The following ELMO1 variants were observed in gnomAD, a reference collection of about 807,000 sequenced individuals.
ELMO1 encodes engulfment and cell motility protein 1.
Under a neutral mutation model 98.9 loss-of-function variants are expected in ELMO1, and 26 were observed. The ratio of observed to expected loss-of-function variants is 0.26; its 90% CI spans 0.19 to 0.36. ELMO1 has a LOEUF of 0.36. Among genes scored for constraint, ELMO1 ranks in the 10% least tolerant of loss-of-function variants. The probability of loss-of-function intolerance (pLI) is 1.00; values close to 1 mark genes in which losing one functional copy is unlikely to be tolerated. For synonymous variants in ELMO1, 346 were observed against 346.0 expected (o/e 1.00, Z 0.00); for missense variants, 627 against 935.2 (o/e 0.67, Z 4.30).
At chr7:37,130,782 T>A (rs1012400975) in intron 14 of ELMO1, among the ~76,000 whole-genome samples, 1 of 150,804 alleles carries the variant, frequency 6.6e-6, no homozygotes, top group Non-Finnish European at 1.5e-5. Context: ...TGTGTTACAA[T>A]TTTTTTTTAA....
At chr7:37,132,309 A>G (rs1365345885) in intron 14 of ELMO1, among the ~76,000 whole-genome samples, 1 of 152,172 alleles carries the variant, frequency 6.6e-6, no homozygotes, top group Non-Finnish European at 1.5e-5. Flanking sequence ...TTGTTCATCA[A>G]ATACTTTCTA....
intron 1 of ELMO1, among the ~76,000 whole-genome samples, chr7:37,345,681 T>C: frequency 6.6e-6 from 1 of 151,618 alleles, no homozygotes; most frequent in East Asian, 1.9e-4. Flanking sequence ...CACACCAGCG[T>C]GGGCAACAGA....
intron 13 of ELMO1, among the ~76,000 whole-genome samples, chr7:37,166,627 T>C (rs1402834573): frequency 6.6e-6 from 1 of 152,212 alleles, no homozygotes; most frequent in Non-Finnish European, 1.5e-5. Context: ...GGTTGTTCAG[T>C]TTCCATGTAG....
chr7:36,859,277 C>G (rs748706165), intron 21 of ELMO1, among the ~76,000 whole-genome samples: 4 of 152,106 alleles, frequency 2.6e-5, no homozygotes, highest in Admixed American at 2.6e-4. Flanking sequence ...TAAATAAATA[C>G]CACATTATTA....
At position 36,950,021 on chromosome 7, in the gene ELMO1, C is replaced by T. The variant is rs1324517102; in HGVS notation, c.1438-55004G>A. 4.6e-5 allele frequency among the ~76,000 whole-genome samples: 7 copies of T among 152,182 alleles called. No homozygotes were observed. The East Asian group carries it at 1.3e-3, about 29-fold the overall frequency. On this transcript the variant is annotated intron_variant, in intron 16 of 21. Coordinates refer to ENST00000310758, the MANE Select transcript of ELMO1 (RefSeq NM_014800.11). ...GGTTGGAGTTCCCTCGTGCTGTGTT[C>T]GCCCCATGCTCCTATACATCTCATT...
At position 37,211,299 on chromosome 7, in the gene ELMO1, C is replaced by A. The variant is rs755164860; in HGVS notation, c.1086+87G>T. 10 of 1,588,082 alleles carry A rather than the reference C, an allele frequency of 6.3e-6. No individual in the cohort carries two copies. The Middle Eastern group carries it at 5.2e-4, about 82-fold the overall frequency. ...TATTCCGTAAAGCGCAAGAGGACCACACGCTCGGAAGAGACATCAGTTATG... is the reference window on the plus strand; with the variant it reads ...TATTCCGTAAAGCGCAAGAGGACCAAACGCTCGGAAGAGACATCAGTTATG... On this transcript the variant is annotated intron_variant, in intron 13 of 21. Coordinates refer to ENST00000310758, the MANE Select transcript of ELMO1 (RefSeq NM_014800.11).
At chr7:36,859,203 A>G (rs1370723786) in intron 21 of ELMO1, among the ~76,000 whole-genome samples, 1 of 152,214 alleles carries the variant, frequency 6.6e-6, no homozygotes, top group Non-Finnish European at 1.5e-5. Flanking sequence ...TGAACAAAGT[A>G]TGAAAGAAAA....
At chr7:37,172,814 C>T (rs1026437776) in intron 13 of ELMO1, among the ~76,000 whole-genome samples, 20 of 152,224 alleles carry the variant, frequency 1.3e-4, no homozygotes, top group African/African-American at 4.6e-4. Flanking sequence ...GTTCCATGTA[C>T]GGGTATAAGT....
chr7:37,289,131 G>A (rs1284415905), intron 4 of ELMO1, among the ~76,000 whole-genome samples: 1 of 152,180 alleles, frequency 6.6e-6, no homozygotes, highest in Non-Finnish European at 1.5e-5. Flanking sequence ...TATATCAAAT[G>A]TGTTCATCAA....
chr7:36,953,840 TG>T (rs1361948560), intron 16 of ELMO1, among the ~76,000 whole-genome samples: 55 of 1,226 alleles, frequency 0.045, no homozygotes, highest in Middle Eastern at 0.5. Flanking sequence ...GGGTATGTTT[TG>T]TGTGTGTGTG....
intron 12 of ELMO1, 113 bp from the exon 13 acceptor site, chr7:37,211,630 C>A (rs1792980250): frequency 7.3e-7 from 1 of 1,372,422 alleles, no homozygotes; most frequent in Non-Finnish European, 9.7e-7. Context: ...TGCATTCAGG[C>A]AAAAGAAAAA....
chr7:37,017,245 CT>C (rs1242664866), intron 15 of ELMO1, among the ~76,000 whole-genome samples: 1 of 152,122 alleles, frequency 6.6e-6, no homozygotes, highest in Non-Finnish European at 1.5e-5. Context: ...TGAACCAACC[CT>C]TTTTTCTTCC....
At chr7:37,168,056 C>T (rs1789851604) in intron 13 of ELMO1, among the ~76,000 whole-genome samples, 1 of 150,888 alleles carries the variant, frequency 6.6e-6, no homozygotes, top group Non-Finnish European at 1.5e-5. Flanking sequence ...TCTTTTTTCT[C>T]TAAACTTCCC....
At chr7:37,015,016 C>T (rs1289069878) in intron 15 of ELMO1, among the ~76,000 whole-genome samples, 5 of 152,130 alleles carry the variant, frequency 3.3e-5, no homozygotes, top group Admixed American at 3.3e-4. Flanking sequence ...CCTCTTCTCT[C>T]CTCAACCTTC....
At chr7:37,409,982 GA>G (rs1301686169) in intron 1 of ELMO1, among the ~76,000 whole-genome samples, 8 of 152,164 alleles carry the variant, frequency 5.3e-5, no homozygotes, top group African/African-American at 1.9e-4. Context: ...ACTGAATCTT[GA>G]AAAGGTAATT....
At chr7:37,184,858 C>G (rs1791101898) in intron 13 of ELMO1, among the ~76,000 whole-genome samples, 1 of 151,852 alleles carries the variant, frequency 6.6e-6, no homozygotes, top group Non-Finnish European at 1.5e-5. Flanking sequence ...ATGATCATGC[C>G]ACTGCACGCC....
chr7:37,391,365 C>T (rs1229568889), intron 1 of ELMO1, among the ~76,000 whole-genome samples: 1 of 152,162 alleles, frequency 6.6e-6, no homozygotes, highest in African/African-American at 2.4e-5. Context: ...GATCTGCCAC[C>T]CCGGCCCCCC....
chr7:37,411,585 C>T (rs745321838), intron 1 of ELMO1, among the ~76,000 whole-genome samples: 8 of 152,116 alleles, frequency 5.3e-5, no homozygotes, highest in African/African-American at 1.2e-4. Context: ...ATACAGTCTA[C>T]AGAAATGGCC....
chr7:37,006,180 C>A (rs924578988), intron 16 of ELMO1, among the ~76,000 whole-genome samples: 1 of 152,202 alleles, frequency 6.6e-6, no homozygotes, highest in Non-Finnish European at 1.5e-5. Context: ...AACGCACCCC[C>A]ATACAGAGGT....
Sources: allele counts gnomAD v4.1 joint callset (sites outside exome capture counted in the v4.1 genomes callset), GRCh38; gene constraint gnomAD v4.1.1; transcripts MANE v1.5; gene names NCBI Gene and HGNC (gene_info 2026-07-23, HGNC 2026-07-21).